CNTN5: variants seen among roughly 807,000 people sequenced by gnomAD.
CNTN5 encodes contactin 5, also known as contactin-5.
In CNTN5, 77 loss-of-function variants were observed where a neutral mutation model predicts 129.1. The observed-to-expected ratio is 0.60, with a 90% CI of 0.50 to 0.72. CNTN5 has a LOEUF of 0.72. CNTN5 is among the 30% of genes least tolerant of loss of function. The pLI is 0.00. For synonymous variants in CNTN5, 509 were observed against 465.6 expected, an observed-to-expected ratio of 1.09 and a Z score of -1.20; for missense variants, 1,478 against 1,328.8, an observed-to-expected ratio of 1.11 and a Z score of -1.75.
At chr11:99,282,073 AG>A (rs2135891273) in intron 1 of CNTN5, among the ~76,000 whole-genome samples, 1 of 152,152 alleles carries the variant, frequency 6.6e-6, no homozygotes, top group African/African-American at 2.4e-5. Flanking sequence ...TGAGAAAAAC[AG>A]GTCCCCGTTG....
chr11:99,059,423 T>G (rs1864780119), intron 1 of CNTN5, among the ~76,000 whole-genome samples: 1 of 152,104 alleles, frequency 6.6e-6, no homozygotes, highest in Non-Finnish European at 1.5e-5. Context: ...TGGTTTCTAT[T>G]ACCAGCATGC....
chr11:99,075,278 G>A (rs551229697), intron 1 of CNTN5, among the ~76,000 whole-genome samples: 1 of 151,918 alleles, frequency 6.6e-6, no homozygotes, highest in South Asian at 2.1e-4. Flanking sequence ...CTGATGTATG[G>A]GCCTAAAAAC....
intron 1 of CNTN5, among the ~76,000 whole-genome samples, chr11:99,325,099 T>C (rs1244373395): frequency 6.6e-6 from 1 of 152,050 alleles, no homozygotes. Context: ...CCATGTAAGC[T>C]TAGAGTGACA....
intron 9 of CNTN5, among the ~76,000 whole-genome samples, chr11:100,007,074 A>G (rs574227195): frequency 2.0e-5 from 3 of 152,208 alleles, no homozygotes; most frequent in Non-Finnish European, 4.4e-5. Flanking sequence ...AATGGACAGT[A>G]TTATTTTGAA....
chr11:100,062,290 T>C (rs547969768), intron 10 of CNTN5, among the ~76,000 whole-genome samples: 20 of 152,314 alleles, frequency 1.3e-4, no homozygotes, highest in Non-Finnish European at 2.6e-4. Context: ...TGTCCCTGTA[T>C]CTCAAGATCA....
At chr11:99,473,376 A>G (rs1192670914) in intron 2 of CNTN5, among the ~76,000 whole-genome samples, 1 of 152,206 alleles carries the variant, frequency 6.6e-6, no homozygotes, top group Admixed American at 6.5e-5. Context: ...GAATTAAAAT[A>G]TAGCTTAAAG....
chr11:99,271,766 C>T (rs142218393), intron 1 of CNTN5, among the ~76,000 whole-genome samples: 278 of 151,908 alleles, frequency 1.8e-3, no homozygotes, highest in Non-Finnish European at 3.1e-3. Flanking sequence ...AGCCCTTAGT[C>T]GCTTGCCACA....
intron 2 of CNTN5, among the ~76,000 whole-genome samples, chr11:99,348,322 G>A (rs907793806): frequency 2.0e-5 from 3 of 152,164 alleles, no homozygotes; most frequent in Non-Finnish European, 4.4e-5. Flanking sequence ...CTGGGCGACA[G>A]AGCGAGACTC....
chr11:99,112,891 T>A (rs187014877), intron 1 of CNTN5, among the ~76,000 whole-genome samples: 2,012 of 151,876 alleles, frequency 0.013, 17 homozygotes, highest in Non-Finnish European at 0.018. Context: ...CCCCTTTTTT[T>A]AAAAAAAATT....
At chr11:99,616,954 TA>T (rs113928353) in intron 3 of CNTN5, among the ~76,000 whole-genome samples, 10,556 of 152,044 alleles carry the variant, frequency 0.069, 409 homozygotes, top group East Asian at 0.11. Flanking sequence ...CTACTAAAAA[TA>T]TAAAAATTAG....
intron 2 of CNTN5, among the ~76,000 whole-genome samples, chr11:99,527,862 C>T (rs186246458): frequency 1.3e-5 from 2 of 152,030 alleles, no homozygotes; most frequent in Admixed American, 6.6e-5. Flanking sequence ...ACAGAGTAGA[C>T]AGAGATCAAG....
intron 2 of CNTN5, among the ~76,000 whole-genome samples, chr11:99,458,403 A>T (rs890901130): frequency 6.6e-6 from 1 of 151,980 alleles, no homozygotes; most frequent in Non-Finnish European, 1.5e-5. Flanking sequence ...CTCAGGGCTC[A>T]CACATGAGAA....
At chr11:99,550,265 A>AT in intron 2 of CNTN5, among the ~76,000 whole-genome samples, 1 of 152,266 alleles carries the variant, frequency 6.6e-6, no homozygotes, top group African/African-American at 2.4e-5. Flanking sequence ...GAAAGCCAAA[A>AT]TATTTTTTTG....
chr11:99,380,831 T>C (rs1488548281), intron 2 of CNTN5, among the ~76,000 whole-genome samples: 1 of 151,844 alleles, frequency 6.6e-6, no homozygotes, highest in Non-Finnish European at 1.5e-5. Flanking sequence ...ATACTGTTTT[T>C]GAATACCACC....
intron 1 of CNTN5, among the ~76,000 whole-genome samples, chr11:99,270,099 C>T (rs1316919554): frequency 6.6e-6 from 1 of 151,688 alleles, no homozygotes; most frequent in Non-Finnish European, 1.5e-5. Context: ...CATTTTAACC[C>T]TACTCCACCA....
chr11:100,245,525 G>A (rs1949823415), intron 16 of CNTN5, among the ~76,000 whole-genome samples: 1 of 152,036 alleles, frequency 6.6e-6, no homozygotes, highest in South Asian at 2.1e-4. Context: ...GAGGGGTTAA[G>A]TCCTTATACC....
chr11:100,095,239 C>T lies in CNTN5; in HGVS notation c.1580+20945C>T, dbSNP rs146554089. 1.8e-4 allele frequency among the ~76,000 whole-genome samples: 27 copies of T among 152,104 alleles called. 1 individual carries two copies. The East Asian group carries it at 4.1e-3, about 23-fold the overall frequency. ...ATTTACACTGAGTTTCCAAGAAAAA[C>T]CTAGACTATGTTTTTATGTGGAAGA... On this transcript the variant is annotated intron_variant, in intron 13 of 24. Coordinates refer to ENST00000524871, the MANE Select transcript of CNTN5 (RefSeq NM_014361.4).
At chr11:99,459,290 T>C (rs771765195) in intron 2 of CNTN5, among the ~76,000 whole-genome samples, 3 of 151,658 alleles carry the variant, frequency 2.0e-5, no homozygotes, top group Non-Finnish European at 4.4e-5. Flanking sequence ...TAGTGGGGAG[T>C]GAGGAAAATG....
chr11:100,088,277 C>A (rs1474244323), intron 13 of CNTN5, among the ~76,000 whole-genome samples: 1 of 151,756 alleles, frequency 6.6e-6, no homozygotes, highest in Non-Finnish European at 1.5e-5. Flanking sequence ...TAAATGCCTA[C>A]CTTGAAACAT....
Sources: allele counts gnomAD v4.1 joint callset (sites outside exome capture counted in the v4.1 genomes callset), GRCh38; gene constraint gnomAD v4.1.1; transcripts MANE v1.5; gene names NCBI Gene and HGNC (gene_info 2026-07-23, HGNC 2026-07-21).